SLC24A1: variants seen among roughly 807,000 people sequenced by gnomAD.
SLC24A1 encodes sodium/potassium/calcium exchanger 1.
Under a neutral mutation model 88.1 loss-of-function variants are expected in SLC24A1, and 52 were observed. The ratio of observed to expected loss-of-function variants is 0.59; its 90% CI spans 0.47 to 0.74. The LOEUF is 0.74. Among genes scored for constraint, SLC24A1 ranks in the 30% least tolerant of loss-of-function variants. The pLI, the probability that SLC24A1 is intolerant of heterozygous loss-of-function variation, is 0.00. For synonymous variants in SLC24A1, 455 were observed against 498.0 expected (o/e 0.91, Z 1.15); for missense variants, 1,173 against 1,363.3 (o/e 0.86, Z 2.20).
At chr15:65,648,008 C>T (rs1342447503) in intron 6 of SLC24A1, among the ~76,000 whole-genome samples, 3 of 152,174 alleles carry the variant, frequency 2.0e-5, no homozygotes, top group Non-Finnish European at 4.4e-5. Context: ...CGCCTGTAAT[C>T]CCAGCACTTT....
chr15:65,654,070 A>G lies in SLC24A1; in HGVS notation c.3291A>G (p.Val1097=), dbSNP rs556645846. Residue 1097 remains valine, a synonymous_variant, in exon 10 of 10, where the codon GTA becomes GTG. Coordinates refer to ENST00000261892, the MANE Select transcript of SLC24A1 (RefSeq NM_004727.3). ...MLEDRIISCP[V]SV ...AAGATCGAATCATATCCTGTCCTGT[A>G]TCTGTCTGAATCAGTCACTCTTGCT... 5 of 1,611,924 alleles carry G rather than the reference A, an allele frequency of 3.1e-6. No individual in the cohort carries two copies. The South Asian group carries it at 4.4e-5, about 14-fold the overall frequency.
Position 65,654,025 on chromosome 15 carries a change from G to C in SLC24A1, c.3246G>C (p.Leu1082=). 6 of 1,613,882 alleles carry C rather than the reference G, an allele frequency of 3.7e-6. No homozygotes were observed. The highest frequency in any genetic ancestry group is 5.1e-6 in the Non-Finnish European group (6 of 1,179,774). Residue 1082 remains leucine, a synonymous_variant, in exon 10 of 10, where the codon CTG becomes CTC. Transcript: ENST00000261892. ...FTMFLLYFVF[L]IISVMLEDRI... is the part of the protein sequence containing the mutation. ...TGTTCCTCCTTTACTTTGTATTCCTGATAATCAGTGTGATGTTAGAAGATC... is the reference window on the plus strand; with the variant it reads ...TGTTCCTCCTTTACTTTGTATTCCTCATAATCAGTGTGATGTTAGAAGATC...
upstream of SLC24A1, chr15:65,618,968 C>A (rs2074234101): frequency 6.6e-6 from 1 of 152,248 alleles, no homozygotes. Context: ...CCACCTGCAT[C>A]CCCCTGTCTC....
intron 2 of SLC24A1, among the ~76,000 whole-genome samples, chr15:65,634,787 A>G (rs1348603769): frequency 1.3e-5 from 2 of 151,572 alleles, no homozygotes; most frequent in Non-Finnish European, 2.9e-5. Context: ...CTGAATGAAG[A>G]TAAGATCAGG....
chr15:65,614,201 A>G (rs1596289676), intron 2 of SLC24A1, among the ~76,000 whole-genome samples: 2 of 152,152 alleles, frequency 1.3e-5, no homozygotes, highest in African/African-American at 4.8e-5. Context: ...ATCTCGTTTC[A>G]TGTACACCCC....
At chr15:65,660,172 A>G, downstream of SLC24A1, 1 of 714,330 alleles carries the variant, frequency 1.4e-6, no homozygotes, top group Admixed American at 2.2e-5. Flanking sequence ...GGTATTTACA[A>G]AGGAGAGGCA....
chr15:65,655,534 A>G lies in SLC24A1; in HGVS notation c.*1455A>G, dbSNP rs1055317538. The G allele has an allele frequency of 2.0e-6, 2 of 985,344 alleles. No individual in the cohort carries two copies. Among genetic ancestry groups the G allele is most frequent in the Admixed American group, 6.1e-5 (1 of 16,274 alleles). The allele number at this position is 985,344 out of a possible 1,614,324, so 61.0% of individuals were successfully genotyped here. On this transcript the variant is annotated 3_prime_UTR_variant, in exon 10 of 10. Coordinates refer to ENST00000261892, the MANE Select transcript of SLC24A1 (RefSeq NM_004727.3). ...TTAAATACCACTGCTTGCTGCTTTT[A>G]CTAGAATCAAGTTAAGGGACACGTT... is the stretch of plus-strand genomic sequence containing the variant.
intron 2 of SLC24A1, among the ~76,000 whole-genome samples, chr15:65,628,745 A>G (rs1396286544): frequency 6.6e-6 from 1 of 152,212 alleles, no homozygotes; most frequent in Non-Finnish European, 1.5e-5. Context: ...GGGCAAGTCA[A>G]TGCAATACAA....
Position 65,654,138 on chromosome 15 carries a change from T to A in SLC24A1, c.*59T>A. ...AGAAGACCATGCAGAAGTTACTGTA[T>A]CTCTTGTGACCCTAATGAAAGAATG... On this transcript the variant is annotated 3_prime_UTR_variant, in exon 10 of 10. Coordinates refer to ENST00000261892, the MANE Select transcript of SLC24A1 (RefSeq NM_004727.3). The A allele has an allele frequency of 6.4e-7, 1 of 1,572,284 alleles. No homozygotes were observed. Among genetic ancestry groups the A allele is most frequent in the Non-Finnish European group, 8.6e-7 (1 of 1,159,238 alleles).
intron 4 of SLC24A1, among the ~76,000 whole-genome samples, chr15:65,641,241 T>C (rs2075118229): frequency 6.6e-6 from 1 of 152,076 alleles, no homozygotes; most frequent in African/African-American, 2.4e-5. Flanking sequence ...ACACCTGTAG[T>C]CCCAGCTACT....
At chr15:65,616,191 G>A (rs1267953190) in intron 2 of SLC24A1, among the ~76,000 whole-genome samples, 1 of 152,024 alleles carries the variant, frequency 6.6e-6, no homozygotes, top group Non-Finnish European at 1.5e-5. Flanking sequence ...ATAAACATAT[G>A]TGCACATGTG....
At chr15:65,620,990 T>C (rs1274309166), upstream of SLC24A1, among the ~76,000 whole-genome samples, 3 of 152,208 alleles carry the variant, frequency 2.0e-5, no homozygotes, top group African/African-American at 7.2e-5. Context: ...TACTCAGAGA[T>C]GAAGCCAGCT....
intron 2 of SLC24A1, among the ~76,000 whole-genome samples, chr15:65,614,495 T>C (rs909546815): frequency 6.6e-6 from 1 of 152,244 alleles, no homozygotes; most frequent in Non-Finnish European, 1.5e-5. Context: ...TCCGTTGCTA[T>C]ATCTCAGAAG....
In SLC24A1 at chr15:65,655,221, A is replaced by T; in HGVS notation, c.*1142A>T. On this transcript the variant is annotated 3_prime_UTR_variant, in exon 10 of 10. Coordinates refer to ENST00000261892, the MANE Select transcript of SLC24A1 (RefSeq NM_004727.3). ...AGTGGGAAGGGAAGTCATTCTAAAG[A>T]GTCCAAAGTCAGTAGCGCCACATCT... 1.0e-6 allele frequency: 1 copy of T among 986,304 alleles called. No individual in the cohort carries two copies. The highest frequency in any genetic ancestry group is 1.2e-6 in the Non-Finnish European group (1 of 830,552). 61.1% of individuals were successfully genotyped at this position (986,304 alleles called of 1,614,324 possible).
chr15:65,617,093 T>C (rs1225247438), upstream of SLC24A1, among the ~76,000 whole-genome samples: 1 of 152,242 alleles, frequency 6.6e-6, no homozygotes, highest in African/African-American at 2.4e-5. Flanking sequence ...ATATCTGTTT[T>C]GGTACCAGTA....
chr15:65,632,972 G>A (rs8027633), intron 2 of SLC24A1, among the ~76,000 whole-genome samples: 2,903 of 152,306 alleles, frequency 0.019, 36 homozygotes, highest in Middle Eastern at 0.044. Flanking sequence ...CACGTGTAAT[G>A]GTATAGGTAA....
chr15:65,633,433 G>A (rs930653951), intron 2 of SLC24A1, among the ~76,000 whole-genome samples: 11 of 152,212 alleles, frequency 7.2e-5, no homozygotes, highest in African/African-American at 2.7e-4. Context: ...GCTGAGGTGG[G>A]TGGATCATCT....
At chr15:65,645,077 G>A (rs969957276) in intron 5 of SLC24A1, among the ~76,000 whole-genome samples, 2 of 152,208 alleles carry the variant, frequency 1.3e-5, no homozygotes, top group Non-Finnish European at 2.9e-5. Context: ...CTGGATGGAG[G>A]TGGAACAGCA....
intron 2 of SLC24A1, among the ~76,000 whole-genome samples, chr15:65,627,170 G>A (rs972496563): frequency 1.3e-5 from 2 of 152,150 alleles, no homozygotes; most frequent in Admixed American, 6.5e-5. Context: ...GCCAAAGCAC[G>A]GAATAGAGAG....
Sources: allele counts gnomAD v4.1 joint callset (sites outside exome capture counted in the v4.1 genomes callset), GRCh38; gene constraint gnomAD v4.1.1; transcripts MANE v1.5; gene names NCBI Gene and HGNC (gene_info 2026-07-23, HGNC 2026-07-21).